Variants in TMEM232 observed in about 807,000 individuals in gnomAD.
TMEM232 encodes the protein transmembrane protein 232.
Under a neutral mutation model 78.8 loss-of-function variants are expected in TMEM232, and 80 were observed. The ratio of observed to expected loss-of-function variants is 1.01; its 90% confidence interval spans 0.85 to 1.22. TMEM232 has a LOEUF of 1.22. Ranked by LOEUF, TMEM232 falls within the 50% of genes most tolerant of loss-of-function variation. The pLI is 0.00. For synonymous variants in TMEM232, 297 were observed against 254.3 expected, an observed-to-expected ratio of 1.17 and a Z score of -1.60; for missense variants, 881 against 742.2, an observed-to-expected ratio of 1.19 and a Z score of -2.17.
chr5:110,438,411 C>G (rs575596429), intron 12 of TMEM232, among the ~76,000 whole-genome samples: 6 of 151,772 alleles, frequency 4.0e-5, no homozygotes, highest in African/African-American at 1.5e-4. Context: ...CTTAAATTAC[C>G]TCTCCATTCT....
intron 6 of TMEM232, among the ~76,000 whole-genome samples, chr5:110,626,474 C>T (rs1161190191): frequency 1.3e-5 from 2 of 152,014 alleles, no homozygotes; most frequent in Non-Finnish European, 2.9e-5. Context: ...TCTGCTATTA[C>T]CTTCTGTTCC....
At chr5:110,722,538 C>T (rs1276827264) in intron 1 of TMEM232, among the ~76,000 whole-genome samples, 8 of 152,164 alleles carry the variant, frequency 5.3e-5, no homozygotes, top group Non-Finnish European at 8.8e-5. Context: ...TTCATGTGGA[C>T]GTCTCCTCAG....
At chr5:110,465,846 A>C (rs1321859295) in intron 12 of TMEM232, among the ~76,000 whole-genome samples, 1 of 152,200 alleles carries the variant, frequency 6.6e-6, no homozygotes, top group Non-Finnish European at 1.5e-5. Context: ...TCATTTATTA[A>C]GTTAGTTCTC....
intron 12 of TMEM232, among the ~76,000 whole-genome samples, chr5:110,439,060 G>A (rs1758743483): frequency 6.6e-6 from 1 of 152,118 alleles, no homozygotes; most frequent in Admixed American, 6.6e-5. Context: ...ATTGGTACAA[G>A]TAATAAGTCA....
At chr5:110,713,770 G>A (rs939454750) in intron 1 of TMEM232, among the ~76,000 whole-genome samples, 2 of 152,138 alleles carry the variant, frequency 1.3e-5, no homozygotes, top group Non-Finnish European at 2.9e-5. Context: ...TTAGGGAGAT[G>A]CAGCCTTCTG....
At chr5:110,674,619 A>C (rs1791789748) in intron 1 of TMEM232, among the ~76,000 whole-genome samples, 1 of 152,248 alleles carries the variant, frequency 6.6e-6, no homozygotes, top group Admixed American at 6.5e-5. Flanking sequence ...AAAAGTACTA[A>C]TATTTCATCT....
At chr5:110,410,305 C>T (rs1755944127) in intron 2 of TMEM232, among the ~76,000 whole-genome samples, 1 of 152,160 alleles carries the variant, frequency 6.6e-6, no homozygotes, top group Non-Finnish European at 1.5e-5. Flanking sequence ...GTTTTAAATA[C>T]TCATGCATAC....
At chr5:110,515,812 C>T (rs1433038644) in intron 12 of TMEM232, among the ~76,000 whole-genome samples, 1 of 152,152 alleles carries the variant, frequency 6.6e-6, no homozygotes, top group Non-Finnish European at 1.5e-5. Context: ...GGAGCACTAG[C>T]CTTGGGTATG....
chr5:110,698,954 C>T (rs1016699351), intron 1 of TMEM232, among the ~76,000 whole-genome samples: 1 of 152,064 alleles, frequency 6.6e-6, no homozygotes, highest in Admixed American at 6.6e-5. Flanking sequence ...CAGCCCAAAT[C>T]TCAGATATTC....
At chr5:110,724,422 T>A (rs552279060) in intron 1 of TMEM232, among the ~76,000 whole-genome samples, 1 of 152,366 alleles carries the variant, frequency 6.6e-6, no homozygotes, top group South Asian at 2.1e-4. Flanking sequence ...AAACTGTGTA[T>A]AACTTAACCT....
intron 1 of TMEM232, among the ~76,000 whole-genome samples, chr5:110,711,764 T>C (rs952725387): frequency 6.6e-5 from 10 of 152,056 alleles, no homozygotes; most frequent in African/African-American, 2.4e-4. Flanking sequence ...CCTTGTCTCT[T>C]GAAATATACA....
Position 110,491,200 on chromosome 5 carries a change from GT to G in TMEM232, c.1703+37387del, listed in dbSNP as rs2149419188. ...TTTTTTTAAAGAAGGTAAACACATG[GT>G]CCATATGAACATAAAAAGACATTCA... On this transcript the variant is annotated intron_variant, in intron 12 of 13. Transcript: ENST00000455884. 2.0e-5 allele frequency among the ~76,000 whole-genome samples: 3 copies of G among 151,204 alleles called. No homozygotes were observed. The East Asian group carries it at 5.8e-4, about 29-fold the overall frequency.
chr5:110,733,182 T>C (rs1798838058), intron 2 of TMEM232, among the ~76,000 whole-genome samples: 1 of 151,420 alleles, frequency 6.6e-6, no homozygotes. Flanking sequence ...ATAATAATAA[T>C]AACAACAGAT....
intron 12 of TMEM232, among the ~76,000 whole-genome samples, chr5:110,516,264 T>C (rs1269883052): frequency 1.3e-5 from 2 of 152,272 alleles, no homozygotes; most frequent in East Asian, 3.9e-4. Flanking sequence ...AAAATTTTTT[T>C]TGAACAAACT....
chr5:110,715,178 G>C (rs142214553), intron 1 of TMEM232, among the ~76,000 whole-genome samples: 5 of 151,974 alleles, frequency 3.3e-5, no homozygotes, highest in East Asian at 1.9e-4. Flanking sequence ...GAACATGAAG[G>C]CTTTTAATTG....
At chr5:110,618,678 T>C (rs1417376826) in intron 7 of TMEM232, 116 bp from the exon 8 acceptor site, 29 of 1,079,030 alleles carry the variant, frequency 2.7e-5, no homozygotes, top group Non-Finnish European at 1.3e-6. Context: ...ATGCATATTC[T>C]CTTACACTTT....
At chr5:110,594,208 G>A (rs1330821905) in intron 10 of TMEM232, among the ~76,000 whole-genome samples, 1 of 151,936 alleles carries the variant, frequency 6.6e-6, no homozygotes, top group Non-Finnish European at 1.5e-5. Context: ...AATGGGCTGG[G>A]GAACTACCTT....
intron 12 of TMEM232, among the ~76,000 whole-genome samples, chr5:110,447,932 T>C (rs1239367180): frequency 2.0e-5 from 3 of 152,052 alleles, no homozygotes; most frequent in Non-Finnish European, 4.4e-5. Context: ...AATCCAGTAA[T>C]TATGAATTTA....
intron 3 of TMEM232, among the ~76,000 whole-genome samples, chr5:110,393,823 A>G (rs936082043): frequency 3.4e-4 from 52 of 151,734 alleles, no homozygotes; most frequent in African/African-American, 1.2e-3. Flanking sequence ...CAGGCATGGT[A>G]GGCGGGCACC....
Sources: gnomAD v4.1 joint callset for allele counts (sites outside exome capture counted in the v4.1 genomes callset) on GRCh38, gnomAD v4.1.1 for gene constraint, MANE v1.5 for transcripts, NCBI Gene and HGNC (gene_info 2026-07-23, HGNC 2026-07-21) for gene names.